The following ZNF274 variants were observed in gnomAD, a reference collection of about 807,000 sequenced individuals.
The protein encoded by ZNF274 is zinc finger protein 274.
A neutral mutation model predicts 42.5 loss-of-function variants in ZNF274; 23 were observed. The ratio of observed to expected loss-of-function variants is 0.54; its 90% CI spans 0.39 to 0.77. The LOEUF (loss-of-function observed/expected upper bound fraction) is 0.77, where lower values mean the gene tolerates loss of function less well. Among genes scored for constraint, ZNF274 ranks in the 30% least tolerant of loss-of-function variants. ZNF274 has a pLI of 0.00. For missense variants in ZNF274, 679 were observed against 806.5 expected, an observed-to-expected ratio of 0.84 and a Z score of 1.91; for synonymous variants, 292 against 305.4, an observed-to-expected ratio of 0.96 and a Z score of 0.46.
chr19:58,194,782 T>C (rs2075821221), intron 4 of ZNF274, among the ~76,000 whole-genome samples: 1 of 151,712 alleles, frequency 6.6e-6, no homozygotes. Flanking sequence ...CCAAGGCGGG[T>C]GGATCACCTG....
intron 4 of ZNF274, among the ~76,000 whole-genome samples, chr19:58,199,290 C>T (rs978728992): frequency 3.3e-5 from 5 of 151,818 alleles, no homozygotes; most frequent in East Asian, 1.9e-4. Context: ...TGATTGAACC[C>T]GGGAGGCGGA....
intron 4 of ZNF274, among the ~76,000 whole-genome samples, chr19:58,188,049 G>A (rs2075720872): frequency 6.6e-6 from 1 of 152,168 alleles, no homozygotes; most frequent in Non-Finnish European, 1.5e-5. Context: ...AACAGCTTCA[G>A]TGTGGTCCAC....
Position 58,211,453 on chromosome 19 carries a change from C to T in ZNF274, c.853-107C>T. 7.0e-7 allele frequency: 1 copy of T among 1,428,860 alleles called. No individual in the cohort carries two copies. Among genetic ancestry groups the T allele is most frequent in the Non-Finnish European group, 9.4e-7 (1 of 1,061,188 alleles). 88.5% of individuals were successfully genotyped at this position (1,428,860 alleles called of 1,614,324 possible). Reference sequence around the variant, plus strand: ...AGCAAATCCCCAAAGCAGGAGAGTCCCTAGCACCGTGAGCTCTGTCAGAAC... The same window carrying T: ...AGCAAATCCCCAAAGCAGGAGAGTCTCTAGCACCGTGAGCTCTGTCAGAAC... On this transcript the variant is annotated intron_variant, in intron 6 of 7. Coordinates refer to ENST00000617501, the MANE Select transcript of ZNF274 (RefSeq NM_133502.3). The surrounding 1 kb of genome is among the most constrained non-coding windows in gnomAD (Gnocchi z 4.8).
rs1416708871 is a variant in ZNF274 at position 58,183,985 on chromosome 19, C to A, written c.20C>A (p.Thr7Lys). 2 of 1,595,320 alleles carry A rather than the reference C, an allele frequency of 1.3e-6. No individual in the cohort carries two copies. Among genetic ancestry groups the A allele is most frequent in the Non-Finnish European group, 1.7e-6 (2 of 1,170,848 alleles). The change falls in exon 2 of 8, where the codon ACG becomes AAG. Residue 7 changes from threonine to lysine, a missense_variant. Physicochemically the swap from Thr to Lys is moderately conservative, Grantham distance 78 (BLOSUM62 -1). Around this residue, in one of 2 missense-constraint regions of ZNF274, gnomAD observed 223 missense variants for 216.4 expected, o/e 1.03. Coordinates refer to ENST00000617501, the MANE Select transcript of ZNF274 (RefSeq NM_133502.3). The stretch of plus-strand genomic sequence containing the variant: ...GAAACTATGGCCTCCAGGCTTCCGA[C>A]GGCCTGGTCCTGTGTGAGTAGAGGC... MASRLP[T>K]AWSCEPVTFE... is the part of the protein sequence containing the mutation.
Position 58,212,062 on chromosome 19 carries a change from A to G in ZNF274, c.980-99A>G, listed in dbSNP as rs2076046993. ...GCATGACTCTATTTGGGAGAAAAAA[A>G]AAATCCTGACTTTTGAACTTAATTA... is the stretch of plus-strand genomic sequence containing the variant. On this transcript the variant is annotated intron_variant, in intron 7 of 7. Coordinates refer to ENST00000617501, the MANE Select transcript of ZNF274 (RefSeq NM_133502.3). This position sits in a 1 kb window ranked among gnomAD's most constrained non-coding sequence, Gnocchi z 4.6. 2.0e-5 allele frequency: 29 copies of G among 1,443,656 alleles called. No homozygotes were observed. Among genetic ancestry groups the G allele is most frequent in the Non-Finnish European group, 2.2e-5 (24 of 1,084,362 alleles). The allele number at this position is 1,443,656 out of a possible 1,614,324, so 89.4% of individuals were successfully genotyped here. A position where few individuals can be genotyped will look rare whatever the true frequency, so the allele number is the denominator to read the frequency against.
At chr19:58,199,690 C>T (rs996211251) in intron 4 of ZNF274, among the ~76,000 whole-genome samples, 1 of 152,202 alleles carries the variant, frequency 6.6e-6, no homozygotes, top group Non-Finnish European at 1.5e-5. Context: ...TCCAGCCTGG[C>T]TTATGGTGCG....
Position 58,206,816 on chromosome 19 carries a change from A to G in ZNF274, c.353A>G (p.Gln118Arg). The change falls in exon 5 of 8, where the codon CAG (glutamine) becomes CGG (arginine). Residue 118 changes from glutamine to arginine, a missense_variant. By Grantham distance (43) the Gln-to-Arg change is conservative (BLOSUM62 1). Coordinates refer to ENST00000617501, the MANE Select transcript of ZNF274 (RefSeq NM_133502.3). The part of the protein sequence containing the change: ...IEVVEVLTLN[Q>R]EVAGPRNAQI... ...GTTGTTGAGGTCCTCACACTGAACC[A>G]GGAGGTGGCTGGTCCCCGGAATGCC... 11 of 1,613,968 alleles carry G rather than the reference A, an allele frequency of 6.8e-6. No homozygotes were observed. Among genetic ancestry groups the G allele is most frequent in the Non-Finnish European group, 8.5e-6 (10 of 1,179,882 alleles).
Position 58,184,089 on chromosome 19 carries a change from C to G in ZNF274, c.33+91C>G. 6.3e-6 allele frequency: 9 copies of G among 1,429,420 alleles called. 1 individual carries two copies. The Admixed American group carries it at 1.0e-4, about 16-fold the overall frequency. 88.5% of individuals were successfully genotyped at this position (1,429,420 alleles called of 1,614,324 possible). A position where few individuals can be genotyped will look rare whatever the true frequency, so the allele number is the denominator to read the frequency against. On this transcript the variant is annotated intron_variant, in intron 2 of 7. Coordinates refer to ENST00000617501, the MANE Select transcript of ZNF274 (RefSeq NM_133502.3). Reference sequence around the variant, plus strand: ...AGATACCACCTTCCCTGAGATACCCCCATCCTCCAGAGCACCTCGGGGAGG... The same window carrying G: ...AGATACCACCTTCCCTGAGATACCCGCATCCTCCAGAGCACCTCGGGGAGG...
At position 58,212,357 on chromosome 19, in the gene ZNF274, A is replaced by C. The variant is rs1280541671; in HGVS notation, c.1176A>C (p.Lys392Asn). 3.7e-6 allele frequency: 6 copies of C among 1,613,848 alleles called. No individual in the cohort carries two copies. In the African/African-American group the frequency reaches 6.7e-5, roughly 18 times the overall value. Reference protein sequence around the residue: ...VLKQMESAQEKDLPQKKHFDN... With the variant: ...VLKQMESAQENDLPQKKHFDN... ...AGCAGATGGAGTCTGCTCAGGAAAA[A>C]GACCTTCCTCAGAAGAAGCACTTTG... Residue 392 changes from lysine (K) to asparagine (N), a missense_variant, in exon 8 of 8, where the codon AAA becomes AAC. By Grantham distance (94) the Lys-to-Asn change is moderately conservative. Transcript: ENST00000617501. This position sits in a 1 kb window ranked among gnomAD's most constrained non-coding sequence, Gnocchi z 4.6.
rs1388710756 is a variant in ZNF274 at position 58,206,715 on chromosome 19, TAC to T, written c.257-3_257-2del. On this transcript the variant is annotated splice_polypyrimidine_tract_variant and splice_region_variant and intron_variant, in intron 4 of 7. Coordinates refer to ENST00000617501, the MANE Select transcript of ZNF274 (RefSeq NM_133502.3). Reference sequence around the variant, plus strand: ...CATTTGTCTTGCTCTGCTTTTGACTTACAGAGTATCCTGAGCTCCAGCTGGAC... The same window carrying T: ...CATTTGTCTTGCTCTGCTTTTGACTTAGAGTATCCTGAGCTCCAGCTGGAC... 4.4e-5 allele frequency: 69 copies of T among 1,561,212 alleles called. No individual in the cohort carries two copies. Among genetic ancestry groups the T allele is most frequent in the Non-Finnish European group, 6.0e-5 (69 of 1,152,512 alleles).
rs959591839 is a variant in ZNF274, at chr19:58,183,453, C to T, written c.-46+11C>T. ...TGCGGCGCGCGCCGGGTGAGTGCCG[C>T]GCGAAACCTGCGTCCGTCGGGGGCT... On this transcript the variant is annotated intron_variant, in intron 1 of 7. Transcript: ENST00000617501. 1 of 152,536 alleles carries T rather than the reference C, an allele frequency of 6.6e-6. No individual in the cohort carries two copies. Among genetic ancestry groups the T allele is most frequent in the African/African-American group, 2.4e-5 (1 of 41,464 alleles). The allele number at this position is 152,536 out of a possible 1,614,324, so 9.4% of individuals were successfully genotyped here. A position where few individuals can be genotyped will look rare whatever the true frequency, so the allele number is the denominator to read the frequency against.
chr19:58,187,160 G>A, intron 4 of ZNF274, 118 bp downstream of exon 4: 1 of 821,430 alleles, frequency 1.2e-6, no homozygotes, highest in Non-Finnish European at 1.9e-6. Context: ...GTGATGAGCA[G>A]TTGCAGAACC....
In ZNF274 at chr19:58,208,443, G is replaced by A. The variant is rs746558872; in HGVS notation, c.739+1241G>A. ...ATAAGTTGCCTCACATGACAAAGGGGACTTTGCAGAAACAATTAAGGATCT... is the reference window on the plus strand; with the variant it reads ...ATAAGTTGCCTCACATGACAAAGGGAACTTTGCAGAAACAATTAAGGATCT... On this transcript the variant is annotated intron_variant, in intron 5 of 7. Transcript: ENST00000617501. This position sits in a 1 kb window ranked among gnomAD's most constrained non-coding sequence, Gnocchi z 4.5. The A allele has an allele frequency of 3.3e-5, 5 of 152,266 alleles. No individual in the cohort carries two copies. Among genetic ancestry groups the A allele is most frequent in the Non-Finnish European group, 7.3e-5 (5 of 68,074 alleles). The allele number at this position is 152,266 out of a possible 1,614,324, so 9.4% of individuals were successfully genotyped here. A position where few individuals can be genotyped will look rare whatever the true frequency, so the allele number is the denominator to read the frequency against.
rs1403455588 is a variant in ZNF274, at chr19:58,206,891, C to G, written c.428C>G (p.Pro143Arg). ...GATGGAAGCCTGAGTGCAGATGCCCCCAGTGAGCAGGTCCAACAGCAGGGC... is the reference window on the plus strand; with the variant it reads ...GATGGAAGCCTGAGTGCAGATGCCCGCAGTGAGCAGGTCCAACAGCAGGGC... ...AEDGSLSADA[P>R]SEQVQQQGKH... The change falls in exon 5 of 8, where the codon CCC becomes CGC. Residue 143 changes from proline to arginine, a missense_variant. By Grantham distance (103) the Pro-to-Arg change is moderately radical (BLOSUM62 -2). Coordinates refer to ENST00000617501, the MANE Select transcript of ZNF274 (RefSeq NM_133502.3). 2 of 1,613,538 alleles carry G rather than the reference C, an allele frequency of 1.2e-6. No homozygotes were observed. The highest frequency in any genetic ancestry group is 1.7e-6 in the Non-Finnish European group (2 of 1,179,686).
chr19:58,201,389 C>G (rs1315520216), intron 4 of ZNF274, among the ~76,000 whole-genome samples: 1 of 151,892 alleles, frequency 6.6e-6, no homozygotes, highest in African/African-American at 2.4e-5. Context: ...CTTGAAGGTT[C>G]ACCAGGCCCC....
Position 58,206,992 on chromosome 19 carries a change from G to GA in ZNF274, c.530dup (p.Ala178GlyfsTer16). ...TTATAAGGACATGACAGGTCCCCGG[G>GA]AGGCCCTGGACCAGCTCCGAGAGCT... is the stretch of plus-strand genomic sequence containing the variant. On this transcript the variant is annotated frameshift_variant, in exon 5 of 8. Transcript: ENST00000617501. LOFTEE classifies it high-confidence loss of function. The GA allele has an allele frequency of 6.2e-7, 1 of 1,610,358 alleles. No individual in the cohort carries two copies. Among genetic ancestry groups the GA allele is most frequent in the Non-Finnish European group, 8.5e-7 (1 of 1,178,348 alleles).
intron 4 of ZNF274, among the ~76,000 whole-genome samples, chr19:58,194,858 G>A (rs932815741): frequency 6.6e-5 from 10 of 151,908 alleles, no homozygotes; most frequent in East Asian, 3.9e-4. Flanking sequence ...AAAAATAGCC[G>A]GGCACGGTGG....
At chr19:58,188,863 G>C (rs569652817) in intron 4 of ZNF274, among the ~76,000 whole-genome samples, 1 of 142,806 alleles carries the variant, frequency 7.0e-6, no homozygotes, top group Non-Finnish European at 1.5e-5. Flanking sequence ...CTCTAACCTG[G>C]TTGACAGTGA....
chr19:58,192,775 CTATG>C (rs1196141043), intron 4 of ZNF274, among the ~76,000 whole-genome samples: 2 of 152,200 alleles, frequency 1.3e-5, no homozygotes, highest in Non-Finnish European at 2.9e-5. Context: ...AGGTCTCACT[CTATG>C]TATCACCCAG....
Sources: allele counts gnomAD v4.1 joint callset (sites outside exome capture counted in the v4.1 genomes callset), GRCh38; gene constraint gnomAD v4.1.1; regional missense constraint gnomAD v4.1.1; non-coding constraint Gnocchi (gnomAD v3.1); transcripts MANE v1.5; gene names NCBI Gene and HGNC (gene_info 2026-07-23, HGNC 2026-07-21).